The following FOXN3 variants were observed in gnomAD, a reference collection of about 807,000 sequenced individuals.
FOXN3 encodes the protein forkhead box protein N3.
A neutral mutation model predicts 38.4 loss-of-function variants in FOXN3; 7 were observed. That is an observed-to-expected ratio of 0.18 (90% CI 0.10 to 0.34). FOXN3 has a LOEUF of 0.34. FOXN3 is among the 10% of genes least tolerant of loss of function. The pLI is 1.00. For missense variants in FOXN3, 456 were observed against 613.4 expected (o/e 0.74, Z 2.71); for synonymous variants, 230 against 242.2 (o/e 0.95, Z 0.47).
chr14:89,320,105 G>A (rs1170596116), intron 3 of FOXN3, among the ~76,000 whole-genome samples: 2 of 152,212 alleles, frequency 1.3e-5, no homozygotes, highest in Non-Finnish European at 2.9e-5. Context: ...CCGGGAAGGG[G>A]AAGATAGAGG....
At chr14:89,186,108 G>A (rs148690442) in intron 4 of FOXN3, among the ~76,000 whole-genome samples, 16 of 152,300 alleles carry the variant, frequency 1.1e-4, no homozygotes, top group African/African-American at 3.6e-4. Context: ...GCCATAAGCT[G>A]AGCAGCAGGT....
intron 4 of FOXN3, among the ~76,000 whole-genome samples, chr14:89,215,925 C>A (rs1338228887): frequency 6.6e-6 from 1 of 152,128 alleles, no homozygotes; most frequent in Non-Finnish European, 1.5e-5. Flanking sequence ...TAAAGACAAG[C>A]CAGCATATTC....
chr14:89,422,031 A>T (rs1289167135), upstream of FOXN3, among the ~76,000 whole-genome samples: 2 of 152,062 alleles, frequency 1.3e-5, no homozygotes, highest in African/African-American at 4.8e-5. Context: ...GGCGCATGCC[A>T]CCATGCCAGG....
At chr14:89,425,135 GC>G (rs1891999651) in intron 1 of FOXN3, among the ~76,000 whole-genome samples, 1 of 142,968 alleles carries the variant, frequency 7.0e-6, no homozygotes, top group Admixed American at 7.5e-5. Context: ...CACGATCTTG[GC>G]CCACTGCTAC....
intron 4 of FOXN3, among the ~76,000 whole-genome samples, chr14:89,276,784 G>A (rs1017448263): frequency 1.3e-5 from 2 of 152,184 alleles, no homozygotes; most frequent in Non-Finnish European, 2.9e-5. Context: ...AGGCCAAAAT[G>A]GTCAGGCAGT....
At chr14:89,200,847 C>T (rs573561535) in intron 4 of FOXN3, among the ~76,000 whole-genome samples, 1 of 152,320 alleles carries the variant, frequency 6.6e-6, no homozygotes, top group East Asian at 1.9e-4. Context: ...TCTTTAATAT[C>T]TTTGACCAGT....
chr14:89,283,883 CAG>C (rs1398043250), intron 3 of FOXN3, among the ~76,000 whole-genome samples: 4 of 152,140 alleles, frequency 2.6e-5, no homozygotes, highest in South Asian at 4.1e-4. Context: ...GGTTTTTTGA[CAG>C]AGTCTCGCTC....
chr14:89,467,362 A>G (rs1231271369), intron 1 of FOXN3, among the ~76,000 whole-genome samples: 2 of 152,202 alleles, frequency 1.3e-5, no homozygotes, highest in South Asian at 2.1e-4. Flanking sequence ...GGCTGGGAAC[A>G]TGGGAAATTT....
intron 1 of FOXN3, among the ~76,000 whole-genome samples, chr14:89,514,385 C>T (rs891314645): frequency 3.3e-5 from 5 of 152,274 alleles, no homozygotes; most frequent in Middle Eastern, 6.8e-3. Flanking sequence ...AAACCGATGG[C>T]CATCCACACC....
chr14:89,313,541 A>C (rs1887630722), intron 3 of FOXN3, among the ~76,000 whole-genome samples: 1 of 151,574 alleles, frequency 6.6e-6, no homozygotes, highest in Admixed American at 6.6e-5. Context: ...TGGGCAACAG[A>C]GCAAGATGCT....
At chr14:89,192,608 G>A (rs1333655069) in intron 4 of FOXN3, among the ~76,000 whole-genome samples, 2 of 140,538 alleles carry the variant, frequency 1.4e-5, no homozygotes, top group South Asian at 2.2e-4. Context: ...TATAATATAA[G>A]CTATATAAAC....
At chr14:89,543,914 G>T (rs1461724698) in intron 1 of FOXN3, among the ~76,000 whole-genome samples, 1 of 151,898 alleles carries the variant, frequency 6.6e-6, no homozygotes, top group African/African-American at 2.4e-5. Context: ...GGGGGTGGGG[G>T]GGAAGTACTC....
chr14:89,554,773 C>A, intron 1 of FOXN3, among the ~76,000 whole-genome samples: 1 of 143,736 alleles, frequency 7.0e-6, no homozygotes, highest in Admixed American at 7.1e-5. Flanking sequence ...TATGTAAATA[C>A]TAGCATTTCT....
intron 4 of FOXN3, among the ~76,000 whole-genome samples, chr14:89,196,057 C>T (rs978589427): frequency 3.3e-5 from 5 of 152,172 alleles, no homozygotes; most frequent in Admixed American, 6.5e-5. Context: ...TCCTCTGGAC[C>T]GGTTCCCAGC....
chr14:89,559,141 G>A (rs1205655308), intron 1 of FOXN3, among the ~76,000 whole-genome samples: 1 of 151,968 alleles, frequency 6.6e-6, no homozygotes, highest in Non-Finnish European at 1.5e-5. Context: ...AAAGTGGGAG[G>A]ATCACTTGAG....
At chr14:89,209,869 C>T (rs1023683936) in intron 4 of FOXN3, among the ~76,000 whole-genome samples, 3 of 152,202 alleles carry the variant, frequency 2.0e-5, no homozygotes, top group Non-Finnish European at 4.4e-5. Context: ...AAAGTCACTG[C>T]ATGATATACC....
chr14:89,516,307 T>C (rs888469913), intron 1 of FOXN3, among the ~76,000 whole-genome samples: 35 of 152,188 alleles, frequency 2.3e-4, no homozygotes, highest in African/African-American at 8.0e-4. Flanking sequence ...TTTAATCTTT[T>C]ATAACCTTAC....
intron 3 of FOXN3, among the ~76,000 whole-genome samples, chr14:89,337,103 A>G (rs1888483869): frequency 6.6e-6 from 1 of 152,196 alleles, no homozygotes; most frequent in Non-Finnish European, 1.5e-5. Flanking sequence ...TAGTCAGGCC[A>G]TGGTATGCCG....
chr14:89,259,721 G>A (rs1885737564), intron 4 of FOXN3, among the ~76,000 whole-genome samples: 1 of 152,222 alleles, frequency 6.6e-6, no homozygotes, highest in East Asian at 1.9e-4. Flanking sequence ...GCAGATGGTA[G>A]TGAGCACCAA....
Sources: allele counts gnomAD v4.1 joint callset (sites outside exome capture counted in the v4.1 genomes callset), GRCh38; gene constraint gnomAD v4.1.1; transcripts MANE v1.5; gene names NCBI Gene and HGNC (gene_info 2026-07-23, HGNC 2026-07-21).